Variants in ARID3B observed in about 807,000 individuals in gnomAD.
The protein encoded by ARID3B is AT-rich interactive domain-containing protein 3B.
A neutral mutation model predicts 51.9 loss-of-function variants in ARID3B; 10 were observed. The ratio of observed to expected loss-of-function variants is 0.19; its 90% CI spans 0.12 to 0.33. ARID3B has a LOEUF of 0.33. Among genes scored for constraint, ARID3B ranks in the 10% least tolerant of loss-of-function variants. The probability of loss-of-function intolerance (pLI) is 1.00; values close to 1 mark genes in which losing one functional copy is unlikely to be tolerated. For missense variants in ARID3B, 483 were observed against 716.3 expected (o/e 0.67, Z 3.72); for synonymous variants, 205 against 279.5 (o/e 0.73, Z 2.66).
intron 2 of ARID3B, among the ~76,000 whole-genome samples, chr15:74,572,106 T>G (rs1302795978): frequency 6.6e-6 from 1 of 150,860 alleles, no homozygotes; most frequent in African/African-American, 2.4e-5. Flanking sequence ...CGAAACTCCA[T>G]CTCAGAAAAA....
At chr15:74,561,828 CA>C (rs1430755559) in intron 2 of ARID3B, among the ~76,000 whole-genome samples, 2 of 152,186 alleles carry the variant, frequency 1.3e-5, no homozygotes, top group Non-Finnish European at 2.9e-5. Flanking sequence ...CATGCACACT[CA>C]GTAGAAACTA....
intron 5 of ARID3B, among the ~76,000 whole-genome samples, 184 bp from the exon 6 acceptor site, chr15:74,590,967 G>A (rs569239215): frequency 6.6e-6 from 1 of 152,334 alleles, no homozygotes; most frequent in South Asian, 2.1e-4. Flanking sequence ...TTGAGTGGCA[G>A]TCAGAGGAGG....
intron 2 of ARID3B, among the ~76,000 whole-genome samples, chr15:74,560,460 GT>G (rs2061675940): frequency 6.6e-6 from 1 of 151,936 alleles, no homozygotes; most frequent in African/African-American, 2.4e-5. Flanking sequence ...TCTACATATT[GT>G]TCTACCACTT....
intron 4 of ARID3B, among the ~76,000 whole-genome samples, chr15:74,583,874 A>G (rs1339110395): frequency 6.6e-6 from 1 of 152,164 alleles, no homozygotes; most frequent in Non-Finnish European, 1.5e-5. Flanking sequence ...AGGCTTAAGG[A>G]TTCTTGTCAG....
chr15:74,560,042 C>CCACACACA (rs995144247), intron 2 of ARID3B, among the ~76,000 whole-genome samples: 1 of 3,972 alleles, frequency 2.5e-4, no homozygotes, highest in African/African-American at 9.7e-4. Flanking sequence ...AAAAAAAAAA[C>CCACACACA]CACACACACA....
rs931267544 is a variant in ARID3B, at chr15:74,596,956, G to T, written c.*1182G>T. ...ATGCAGGGGAGACGACTCAGGGATC[G>T]CGGGGGCGGGGAGGTGGAGTGGAGA... On this transcript the variant is annotated 3_prime_UTR_variant, in exon 9 of 9. Transcript: ENST00000346246. The T allele has an allele frequency of 8.6e-6, 2 of 233,804 alleles. No homozygotes were observed. Among genetic ancestry groups the T allele is most frequent in the Non-Finnish European group, 1.7e-5 (2 of 118,188 alleles). 14.5% of individuals were successfully genotyped at this position (233,804 alleles called of 1,614,324 possible). A position where few individuals can be genotyped will look rare whatever the true frequency, so the allele number is the denominator to read the frequency against.
intron 4 of ARID3B, among the ~76,000 whole-genome samples, chr15:74,577,580 G>T (rs1219748272): frequency 6.6e-6 from 1 of 152,086 alleles, no homozygotes; most frequent in East Asian, 1.9e-4. Flanking sequence ...GAGTGTAGTG[G>T]CGCAATCATG....
intron 4 of ARID3B, among the ~76,000 whole-genome samples, chr15:74,587,794 G>A (rs2061786717): frequency 6.6e-6 from 1 of 152,210 alleles, no homozygotes; most frequent in African/African-American, 2.4e-5. Flanking sequence ...ACCAGCACAT[G>A]AGCTGTGTGT....
At chr15:74,545,556 G>A (rs991719572) in intron 2 of ARID3B, among the ~76,000 whole-genome samples, 1 of 152,214 alleles carries the variant, frequency 6.6e-6, no homozygotes, top group East Asian at 1.9e-4. Flanking sequence ...AAGGATGGGA[G>A]TGATGATAAG....
chr15:74,583,385 G>A (rs1339188969), intron 4 of ARID3B, among the ~76,000 whole-genome samples: 2 of 152,084 alleles, frequency 1.3e-5, no homozygotes, highest in Non-Finnish European at 2.9e-5. Context: ...ATATTGATTG[G>A]AAAGAGGCAT....
At chr15:74,593,880 A>G (rs2061813340) in intron 8 of ARID3B, among the ~76,000 whole-genome samples, 1 of 151,610 alleles carries the variant, frequency 6.6e-6, no homozygotes, top group Non-Finnish European at 1.5e-5. Context: ...AAATCTACAA[A>G]ATACAAAAAA....
intron 7 of ARID3B, among the ~76,000 whole-genome samples, chr15:74,592,528 C>G (rs2061807557): frequency 6.6e-6 from 1 of 152,192 alleles, no homozygotes; most frequent in East Asian, 1.9e-4. Context: ...TGGGAGGTAA[C>G]AGCTCATCCA....
intron 2 of ARID3B, among the ~76,000 whole-genome samples, chr15:74,554,197 C>T (rs1009710216): frequency 1.3e-5 from 2 of 151,668 alleles, no homozygotes; most frequent in African/African-American, 4.8e-5. Flanking sequence ...TAGTAGAGAA[C>T]GGGGTTTCTC....
chr15:74,577,053 G>T (rs1229139025), intron 4 of ARID3B, among the ~76,000 whole-genome samples: 1 of 152,216 alleles, frequency 6.6e-6, no homozygotes, highest in East Asian at 1.9e-4. Context: ...ACTTGCCGTG[G>T]CAGTGTATAG....
intron 2 of ARID3B, among the ~76,000 whole-genome samples, chr15:74,565,734 GT>G (rs76265427): frequency 2.2e-3 from 310 of 140,124 alleles, no homozygotes; most frequent in Middle Eastern, 3.7e-3. Flanking sequence ...TGTTTTTTTT[GT>G]TTTTTTTTTT....
At chr15:74,588,077 C>A (rs1231113258) in intron 4 of ARID3B, among the ~76,000 whole-genome samples, 1 of 152,028 alleles carries the variant, frequency 6.6e-6, no homozygotes, top group Non-Finnish European at 1.5e-5. Flanking sequence ...CCTGTCTCTA[C>A]AGAAAATGTT....
At chr15:74,568,914 A>G (rs1208259400) in intron 2 of ARID3B, among the ~76,000 whole-genome samples, 3 of 152,146 alleles carry the variant, frequency 2.0e-5, no homozygotes, top group Admixed American at 6.5e-5. Context: ...GCATGCAGCA[A>G]CCCTTCAACT....
At chr15:74,548,599 T>G (rs2061624394) in intron 2 of ARID3B, among the ~76,000 whole-genome samples, 1 of 152,214 alleles carries the variant, frequency 6.6e-6, no homozygotes, top group Non-Finnish European at 1.5e-5. Context: ...GGGTTTAATT[T>G]CAGAATATTT....
chr15:74,558,178 C>CTTTTTTTTTTTTTTTTTTTTTTGTTT (rs1208034661), intron 2 of ARID3B, among the ~76,000 whole-genome samples: 1 of 104,668 alleles, frequency 9.6e-6, no homozygotes, highest in African/African-American at 3.9e-5. Flanking sequence ...TGGTTTGTGT[C>CTTTTTTTTTTTTTTTTTTTTTTGTTT]TTTTTTTTTT....
Sources: allele counts gnomAD v4.1 joint callset (sites outside exome capture counted in the v4.1 genomes callset), GRCh38; gene constraint gnomAD v4.1.1; transcripts MANE v1.5; gene names NCBI Gene and HGNC (gene_info 2026-07-23, HGNC 2026-07-21).